Variants in THBS3 observed in about 807,000 individuals in gnomAD.
THBS3 encodes thrombospondin 3, also known as thrombospondin-3.
A neutral mutation model predicts 118.3 loss-of-function variants in THBS3; 78 were observed. The observed-to-expected ratio is 0.66, with a 90% CI of 0.55 to 0.80. THBS3 has a LOEUF of 0.80. Ranked by LOEUF, THBS3 falls within the 30% of genes least tolerant of loss-of-function variation. The pLI, the probability that THBS3 is intolerant of heterozygous loss-of-function variation, is 0.00. For missense variants in THBS3, 1,057 were observed against 1,247.4 expected (o/e 0.85, Z 2.30); for synonymous variants, 427 against 475.3 (o/e 0.90, Z 1.32).
chr1:155,198,553 T>C lies in THBS3; in HGVS notation c.1930A>G (p.Asn644Asp). ...TTATCAGAGTCCAGCTGGGAGCTAT[T>C]TGGCAGCTGTGGGCAGTTGTCCTTG... is the stretch of plus-strand genomic sequence containing the variant. ...DTKDNCPQLP[N>D]SSQLDSDNDG... The change falls in exon 17 of 23, where the codon AAT (asparagine) becomes GAT (aspartate). Residue 644 changes from asparagine to aspartate, a missense_variant. By Grantham distance (23) the Asn-to-Asp change is conservative. Coordinates refer to ENST00000368378, the MANE Select transcript of THBS3 (RefSeq NM_007112.5). 2 of 1,614,224 alleles carry C rather than the reference T, an allele frequency of 1.2e-6. No homozygotes were observed. Among genetic ancestry groups the C allele is most frequent in the Non-Finnish European group, 1.7e-6 (2 of 1,180,034 alleles).
Position 155,197,200 on chromosome 1 carries a change from A to C in THBS3, c.2513T>G (p.Val838Gly). Residue 838 changes from valine to glycine, a missense_variant, in exon 21 of 23, where the codon GTG becomes GGG. Transcript: ENST00000368378. The surrounding 1 kb of genome is among the most constrained non-coding windows in gnomAD (Gnocchi z 5.0). Reference sequence around the variant, plus strand: ...TCGGAGGTGCTCACCTGGGCCAGACACTGATGTCACTGCCTAGGAGACATT... The same window carrying C: ...TCGGAGGTGCTCACCTGGGCCAGACCCTGATGTCACTGCCTAGGAGACATT... ...PGLQLKAVTS[V>G]SGPGEHLRNA... The C allele has an allele frequency of 6.2e-7, 1 of 1,614,090 alleles. No individual in the cohort carries two copies. Among genetic ancestry groups the C allele is most frequent in the Non-Finnish European group, 8.5e-7 (1 of 1,179,962 alleles).
Position 155,206,441 on chromosome 1 carries a change from G to T in THBS3, c.80-35C>A. On this transcript the variant is annotated intron_variant, in intron 1 of 22. Coordinates refer to ENST00000368378, the MANE Select transcript of THBS3 (RefSeq NM_007112.5). The surrounding 1 kb of genome is among the most constrained non-coding windows in gnomAD (Gnocchi z 4.2). Reference sequence around the variant, plus strand: ...CAGGGGTTATCAAGGTTAGAGAATGGGATCAAATGCTAAGGTATGCCCTCC... The same window carrying T: ...CAGGGGTTATCAAGGTTAGAGAATGTGATCAAATGCTAAGGTATGCCCTCC... 6.3e-7 allele frequency: 1 copy of T among 1,598,844 alleles called. No individual in the cohort carries two copies. Among genetic ancestry groups the T allele is most frequent in the South Asian group, 1.1e-5 (1 of 90,674 alleles).
intron 16 of THBS3, among the ~76,000 whole-genome samples, chr1:155,199,338 A>C (rs1669261804): frequency 6.7e-6 from 1 of 149,830 alleles, no homozygotes; most frequent in African/African-American, 2.5e-5. Context: ...TGAACTCGGG[A>C]GGTGGAGCTT....
Position 155,206,418 on chromosome 1 carries a change from G to A in THBS3, c.80-12C>T. The stretch of plus-strand genomic sequence containing the variant: ...CAGCAGGTCAATTACTGGTCAGGCA[G>A]GGGTTATCAAGGTTAGAGAATGGGA... On this transcript the variant is annotated splice_polypyrimidine_tract_variant and intron_variant, in intron 1 of 22. Transcript: ENST00000368378. This position sits in a 1 kb window ranked among gnomAD's most constrained non-coding sequence, Gnocchi z 4.2. The A allele has an allele frequency of 6.2e-7, 1 of 1,613,402 alleles. No individual in the cohort carries two copies. The highest frequency in any genetic ancestry group is 8.5e-7 in the Non-Finnish European group (1 of 1,179,684).
chr1:155,199,552 G>C (rs1469623313), intron 16 of THBS3, among the ~76,000 whole-genome samples: 2 of 152,176 alleles, frequency 1.3e-5, no homozygotes, highest in East Asian at 3.9e-4. Context: ...TAAGGAGTTC[G>C]AGACCAGCCT....
At position 155,196,143 on chromosome 1, in the gene THBS3, G is replaced by A. The variant is rs199647489; in HGVS notation, c.2673-17C>T. 23 of 1,613,540 alleles carry A rather than the reference G, an allele frequency of 1.4e-5. No homozygotes were observed. Among genetic ancestry groups the A allele is most frequent in the Non-Finnish European group, 1.9e-5 (22 of 1,180,038 alleles). On this transcript the variant is annotated splice_polypyrimidine_tract_variant and intron_variant, in intron 21 of 22. Transcript: ENST00000368378. ...AGCTTCACCCTGTCCAGGATTCCAG[G>A]ATAGGAGTATCCATTGGTGCTAGGG...
rs2147909385 is a variant in THBS3 at position 155,197,427 on chromosome 1, A to G, written c.2499+36T>C. The G allele has an allele frequency of 6.3e-7, 1 of 1,599,006 alleles. No homozygotes were observed. The highest frequency in any genetic ancestry group is 8.5e-7 in the Non-Finnish European group (1 of 1,172,266). On this transcript the variant is annotated intron_variant, in intron 20 of 22. Coordinates refer to ENST00000368378, the MANE Select transcript of THBS3 (RefSeq NM_007112.5). This position sits in a 1 kb window ranked among gnomAD's most constrained non-coding sequence, Gnocchi z 5.0. ...GGGCTGCAGAGGAGAGCTTTGGGAA[A>G]GGGCCCTGGGTTGCGGAATCTGAGC...
chr1:155,199,690 G>C, intron 16 of THBS3, 114 bp downstream of exon 16: 1 of 1,067,550 alleles, frequency 9.4e-7, no homozygotes, highest in Non-Finnish European at 1.4e-6. Context: ...GGGAGACGGA[G>C]GTTGCAGTGA....
At chr1:155,203,491 C>A (rs375387590) in intron 5 of THBS3, 22 bp downstream of exon 5, 2 of 1,613,150 alleles carry the variant, frequency 1.2e-6, no homozygotes, top group African/African-American at 1.3e-5. Flanking sequence ...TCCCCGCTTC[C>A]GCTTCAGTGT....
chr1:155,197,308 C>T lies in THBS3; in HGVS notation c.2500-95G>A, dbSNP rs573801485. 21 of 1,543,860 alleles carry T rather than the reference C, an allele frequency of 1.4e-5. No individual in the cohort carries two copies. The highest frequency in any genetic ancestry group is 7.1e-5 in the South Asian group (6 of 84,332). ...GTGCAGGTGGGAAAGGGATTCAAGG[C>T]GGTCATGAAAATGCCCTGGGGCCCC... On this transcript the variant is annotated intron_variant, in intron 20 of 22. Coordinates refer to ENST00000368378, the MANE Select transcript of THBS3 (RefSeq NM_007112.5). This position sits in a 1 kb window ranked among gnomAD's most constrained non-coding sequence, Gnocchi z 5.0.
chr1:155,206,255 A>G lies in THBS3; in HGVS notation c.231T>C (p.Ser77=). 2 of 1,614,144 alleles carry G rather than the reference A, an allele frequency of 1.2e-6. No individual in the cohort carries two copies. The highest frequency in any genetic ancestry group is 1.7e-6 in the Non-Finnish European group (2 of 1,180,028). The part of the protein sequence containing the change: ...KQGGVLFGLY[S]RQDNTRWLEA... Reference sequence around the variant, plus strand: ...CCAGCCATCGAGTGTTGTCTTGGCGAGAATAGAGGCCAAAGAGGACACCAC... The same window carrying G: ...CCAGCCATCGAGTGTTGTCTTGGCGGGAATAGAGGCCAAAGAGGACACCAC... The change falls in exon 2 of 23, where the codon TCT becomes TCC. Residue 77 remains serine, a synonymous_variant. Coordinates refer to ENST00000368378, the MANE Select transcript of THBS3 (RefSeq NM_007112.5). The surrounding 1 kb of genome is among the most constrained non-coding windows in gnomAD (Gnocchi z 4.2).
intron 2 of THBS3, among the ~76,000 whole-genome samples, chr1:155,205,989 G>C (rs563072647): frequency 3.9e-5 from 6 of 152,086 alleles, no homozygotes; most frequent in Non-Finnish European, 5.9e-5. Flanking sequence ...TAAATATCAG[G>C]ACTCAAGCCT....
chr1:155,209,043 G>C (rs1335427967), upstream of THBS3: 1 of 1,549,610 alleles, frequency 6.5e-7, no homozygotes, highest in Admixed American at 2.0e-5. Context: ...GGCCACCTCT[G>C]GATGGGCCGG....
intron 10 of THBS3, 91 bp downstream of exon 10, chr1:155,201,866 A>G (rs1669784935): frequency 3.2e-6 from 5 of 1,572,500 alleles, no homozygotes; most frequent in Non-Finnish European, 4.3e-6. Context: ...GGAGGAGGAA[A>G]GGCAGCAGGA....
chr1:155,200,114 C>T lies in THBS3; in HGVS notation c.1709-1G>A. The T allele has an allele frequency of 6.4e-7, 1 of 1,550,922 alleles. No homozygotes were observed. Among genetic ancestry groups the T allele is most frequent in the Non-Finnish European group, 8.7e-7 (1 of 1,148,156 alleles). On this transcript the variant is annotated splice_acceptor_variant, in intron 14 of 22. Coordinates refer to ENST00000368378, the MANE Select transcript of THBS3 (RefSeq NM_007112.5). LOFTEE classifies it high-confidence loss of function. ...CAATTGTCCAATCCATTGGGGATGC[C>T]TAGAAGACATGGGTAGCACAAGGTT...
chr1:155,208,526 G>A (rs1425048960), upstream of THBS3, among the ~76,000 whole-genome samples: 1 of 152,220 alleles, frequency 6.6e-6, no homozygotes, highest in Non-Finnish European at 1.5e-5. Context: ...AAAGAGGAAA[G>A]GGACACCAGG....
rs776658114 is a variant in THBS3, at chr1:155,203,111, G to A, written c.783C>T (p.Asn261=). 5 of 1,614,118 alleles carry A rather than the reference G, an allele frequency of 3.1e-6. No individual in the cohort carries two copies. Among genetic ancestry groups the A allele is most frequent in the Non-Finnish European group, 3.4e-6 (4 of 1,180,042 alleles). The change falls in exon 7 of 23, where the codon AAC becomes AAT. Residue 261 remains asparagine (N), a synonymous_variant. Transcript: ENST00000368378. ...CGCACACCTGACACTCCATAATGGT[G>A]TTTCGGATCAGGGACATTTCCTTCA... is the stretch of plus-strand genomic sequence containing the variant. ...DQVKEMSLIR[N]TIMECQVCGF...
rs367978160 is a variant in THBS3, at chr1:155,197,990, G to A, written c.2253+52C>T. On this transcript the variant is annotated intron_variant, in intron 18 of 22. Transcript: ENST00000368378. This position sits in a 1 kb window ranked among gnomAD's most constrained non-coding sequence, Gnocchi z 5.0. ...GTGTGCTATCCCTCCCAGGCCCCCC[G>A]TCCCAGTAGCCCTGTCTGATAGCAC... The A allele has an allele frequency of 3.8e-5, 61 of 1,613,820 alleles. No individual in the cohort carries two copies. Among genetic ancestry groups the A allele is most frequent in the East Asian group, 1.1e-4 (5 of 44,896 alleles).
In THBS3 at chr1:155,204,585, C is replaced by CAA. The variant is rs34989309; in HGVS notation, c.646+268_646+269dup. Among the ~76,000 whole-genome samples, 109 of 137,974 alleles carry CAA rather than the reference C, an allele frequency of 7.9e-4. 1 individual carries two copies. In the East Asian group the frequency reaches 9.0e-3, roughly 11 times the overall value. The allele number at this position is 137,974 out of a possible 152,430, so 90.5% of individuals were successfully genotyped here. A position where few individuals can be genotyped will look rare whatever the true frequency, so the allele number is the denominator to read the frequency against. On this transcript the variant is annotated intron_variant, in intron 4 of 22. Coordinates refer to ENST00000368378, the MANE Select transcript of THBS3 (RefSeq NM_007112.5). ...GGGCAACAGGACAAGACTCCATCAC[C>CAA]AAAAAAAAAAAAAATACTCGAGACC... is the stretch of plus-strand genomic sequence containing the variant.
Sources: gnomAD v4.1 joint callset for allele counts (sites outside exome capture counted in the v4.1 genomes callset) on GRCh38, gnomAD v4.1.1 for gene constraint, Gnocchi (gnomAD v3.1) non-coding constraint, MANE v1.5 for transcripts, NCBI Gene and HGNC (gene_info 2026-07-23, HGNC 2026-07-21) for gene names.